Variants in GABRB2 observed in about 807,000 individuals in gnomAD.
GABRB2 encodes gamma-aminobutyric acid type A receptor subunit beta2.
A neutral mutation model predicts 54.7 loss-of-function variants in GABRB2; 16 were observed. That is an observed-to-expected ratio of 0.29 (90% CI 0.20 to 0.44). The LOEUF (loss-of-function observed/expected upper bound fraction) is 0.44. Ranked by LOEUF, GABRB2 falls within the 20% of genes least tolerant of loss-of-function variation. The pLI is 1.00. For missense variants in GABRB2, 355 were observed against 644.0 expected (o/e 0.55, Z 4.86); for synonymous variants, 244 against 233.8 (o/e 1.04, Z -0.40).
At chr5:161,523,984 A>G (rs911735316) in intron 3 of GABRB2, among the ~76,000 whole-genome samples, 1 of 151,380 alleles carries the variant, frequency 6.6e-6, no homozygotes, top group African/African-American at 2.4e-5. Context: ...ATTGGAGGTT[A>G]TTCTGACATC....
At chr5:161,351,438 C>G (rs1464702419) in intron 5 of GABRB2, among the ~76,000 whole-genome samples, 3 of 151,956 alleles carry the variant, frequency 2.0e-5, no homozygotes, top group Non-Finnish European at 4.4e-5. Context: ...GCCAAGAACA[C>G]ATAATGGGGA....
rs548516586 is a variant in GABRB2, at chr5:161,458,864, T to G, written c.458+760A>C. ...ATGAGAAGGTAACCACATATTCATGTAACACAGAATAAATTAGGCAACTGA... is the reference window on the plus strand; with the variant it reads ...ATGAGAAGGTAACCACATATTCATGGAACACAGAATAAATTAGGCAACTGA... On this transcript the variant is annotated intron_variant, in intron 4 of 9. Transcript: ENST00000393959. Among the ~76,000 whole-genome samples the G allele has an allele frequency of 4.6e-5, 7 of 152,344 alleles. No homozygotes were observed. In the South Asian group the frequency reaches 1.4e-3, roughly 32 times the overall value.
At chr5:161,521,330 T>C (rs1760109497) in intron 3 of GABRB2, among the ~76,000 whole-genome samples, 1 of 151,982 alleles carries the variant, frequency 6.6e-6, no homozygotes, top group South Asian at 2.1e-4. Flanking sequence ...GCTTCCTGAA[T>C]CAGTAAGTAG....
intron 5 of GABRB2, among the ~76,000 whole-genome samples, chr5:161,409,382 T>A (rs1428310650): frequency 6.6e-6 from 1 of 152,148 alleles, no homozygotes; most frequent in East Asian, 1.9e-4. Flanking sequence ...TTTTTAAATA[T>A]TTGAGTCAAA....
intron 4 of GABRB2, among the ~76,000 whole-genome samples, chr5:161,428,223 C>T (rs903503163): frequency 6.6e-6 from 1 of 151,814 alleles, no homozygotes. Context: ...AGACAGGATA[C>T]ATATAGACAG....
intron 5 of GABRB2, among the ~76,000 whole-genome samples, chr5:161,350,116 G>C (rs73797581): frequency 0.015 from 2,337 of 152,146 alleles, 57 homozygotes; most frequent in African/African-American, 0.052. Flanking sequence ...ACTTAATGGA[G>C]AAAAGTTTAA....
intron 4 of GABRB2, among the ~76,000 whole-genome samples, chr5:161,437,236 C>T (rs559674271): frequency 6.6e-6 from 1 of 151,872 alleles, no homozygotes; most frequent in East Asian, 2.0e-4. Flanking sequence ...AAAAGAGACC[C>T]CTTCCTTCTG....
At chr5:161,360,748 A>G (rs918757501) in intron 5 of GABRB2, among the ~76,000 whole-genome samples, 10 of 152,340 alleles carry the variant, frequency 6.6e-5, no homozygotes, top group African/African-American at 2.4e-4. Flanking sequence ...ATTAAATGTT[A>G]CGTATTTCCT....
chr5:161,521,876 A>G (rs1320903978), intron 3 of GABRB2, among the ~76,000 whole-genome samples: 5 of 151,902 alleles, frequency 3.3e-5, no homozygotes, highest in African/African-American at 1.2e-4. Context: ...AGAATGGGCC[A>G]TGTGTTCTGA....
intron 3 of GABRB2, among the ~76,000 whole-genome samples, chr5:161,464,537 T>C (rs1340042142): frequency 1.3e-5 from 2 of 152,086 alleles, no homozygotes; most frequent in East Asian, 1.9e-4. Context: ...AGTTTGACAA[T>C]TTATTATAAT....
chr5:161,403,680 T>A (rs1580956148), intron 5 of GABRB2, among the ~76,000 whole-genome samples: 1 of 152,070 alleles, frequency 6.6e-6, no homozygotes, highest in African/African-American at 2.4e-5. Flanking sequence ...GGATATTCCA[T>A]GAGAACAAGT....
intron 9 of GABRB2, among the ~76,000 whole-genome samples, chr5:161,314,770 T>C (rs940734211): frequency 3.3e-5 from 5 of 152,024 alleles, no homozygotes; most frequent in African/African-American, 1.2e-4. Flanking sequence ...CAATAAATAG[T>C]CCATAATCTT....
chr5:161,441,132 A>C (rs562237545), intron 4 of GABRB2, among the ~76,000 whole-genome samples: 9 of 152,298 alleles, frequency 5.9e-5, no homozygotes, highest in South Asian at 4.1e-4. Context: ...CAAGTTAAAA[A>C]GCATCTGCAC....
intron 4 of GABRB2, among the ~76,000 whole-genome samples, chr5:161,456,044 A>G (rs1757944976): frequency 6.6e-6 from 1 of 152,072 alleles, no homozygotes; most frequent in Admixed American, 6.5e-5. Context: ...TACCCCACCA[A>G]TCTTTGTTTG....
intron 5 of GABRB2, among the ~76,000 whole-genome samples, chr5:161,368,395 A>G (rs1216477621): frequency 6.6e-6 from 1 of 152,174 alleles, no homozygotes; most frequent in East Asian, 1.9e-4. Flanking sequence ...ATGGAATAAC[A>G]CATTCAGCAA....
chr5:161,359,759 T>G (rs1754747033), intron 5 of GABRB2, among the ~76,000 whole-genome samples: 1 of 152,186 alleles, frequency 6.6e-6, no homozygotes, highest in Admixed American at 6.5e-5. Context: ...GATCAATGAG[T>G]AAGTAATTAA....
chr5:161,507,414 G>C (rs1480865974), intron 3 of GABRB2, among the ~76,000 whole-genome samples: 1 of 151,980 alleles, frequency 6.6e-6, no homozygotes, highest in Non-Finnish European at 1.5e-5. Flanking sequence ...GCTAAGTGAA[G>C]GTTATTTGGG....
chr5:161,385,847 G>A (rs1303592496), intron 5 of GABRB2, among the ~76,000 whole-genome samples: 2 of 151,974 alleles, frequency 1.3e-5, no homozygotes, highest in South Asian at 2.1e-4. Flanking sequence ...GTGGAAGACA[G>A]ATTATAAGAA....
At chr5:161,404,787 T>G (rs112354270) in intron 5 of GABRB2, among the ~76,000 whole-genome samples, 3,655 of 152,246 alleles carry the variant, frequency 0.024, 146 homozygotes, top group African/African-American at 0.082. Context: ...CAGAGGTATA[T>G]GCATATGGGA....
Sources: allele counts gnomAD v4.1 joint callset (sites outside exome capture counted in the v4.1 genomes callset), GRCh38; gene constraint gnomAD v4.1.1; transcripts MANE v1.5; gene names NCBI Gene and HGNC (gene_info 2026-07-23, HGNC 2026-07-21).